Variants in STARD13 observed in about 807,000 individuals in gnomAD.
The protein encoded by STARD13 is StAR related lipid transfer domain containing 13.
A neutral mutation model predicts 106.4 loss-of-function variants in STARD13; 62 were observed. The observed-to-expected ratio is 0.58, with a 90% CI of 0.48 to 0.72. The LOEUF (loss-of-function observed/expected upper bound fraction) is 0.72, where lower values mean the gene tolerates loss of function less well. STARD13 is among the 30% of genes least tolerant of loss of function. STARD13 has a pLI of 0.00. For missense variants in STARD13, 1,387 were observed against 1,424.0 expected (o/e 0.97, Z 0.42); for synonymous variants, 565 against 553.0 (o/e 1.02, Z -0.31).
chr13:33,643,552 C>A, the STARD13 span, among the ~76,000 whole-genome samples: 1 of 152,204 alleles, frequency 6.6e-6, no homozygotes, highest in African/African-American at 2.4e-5. Flanking sequence ...GACTTGAGAT[C>A]AGTTTGTTCA....
chr13:33,308,158 T>A (rs532724936), intron 1 of STARD13, among the ~76,000 whole-genome samples: 2 of 152,346 alleles, frequency 1.3e-5, no homozygotes, highest in African/African-American at 4.8e-5. Flanking sequence ...AATTAAATCA[T>A]GGCTATCTCC....
chr13:33,455,688 C>A, the STARD13 span, among the ~76,000 whole-genome samples: 2 of 152,024 alleles, frequency 1.3e-5, no homozygotes, highest in Admixed American at 1.3e-4. Context: ...AATCCCAGTA[C>A]TGTGGGAGGC....
At chr13:33,281,133 C>G (rs1891757439) in intron 1 of STARD13, 2 of 152,020 alleles carry the variant, frequency 1.3e-5, no homozygotes, top group Non-Finnish European at 2.9e-5. Context: ...ACAGAATAAA[C>G]TTGAGCAATC....
chr13:33,110,901 G>T lies in STARD13; in HGVS notation c.2614C>A (p.His872Asn), dbSNP rs750771741. ...MECDRLFEVP[H>N]ELVAQSRNSY... is the part of the protein sequence containing the mutation. The stretch of plus-strand genomic sequence containing the variant: ...TTACGAGACTGGGCCACCAACTCGT[G>T]TGGAACCTAGACCAACGGATGCATG... The change falls in exon 11 of 14, where the codon CAC (histidine) becomes AAC (asparagine). Residue 872 changes from histidine (H) to asparagine (N), a missense_variant. By Grantham distance (68) the His-to-Asn change is moderately conservative. Coordinates refer to ENST00000336934, the MANE Select transcript of STARD13 (RefSeq NM_178006.4). 2.5e-6 allele frequency: 4 copies of T among 1,612,744 alleles called. No individual in the cohort carries two copies.
At chr13:33,360,512 A>AT in the STARD13 span, among the ~76,000 whole-genome samples, 3 of 151,512 alleles carry the variant, frequency 2.0e-5, no homozygotes, top group Admixed American at 6.6e-5. Context: ...CCGGCAGTCG[A>AT]TTTTTTTAAA....
chr13:33,319,128 A>T (rs1893454943), intron 1 of STARD13, among the ~76,000 whole-genome samples: 1 of 152,242 alleles, frequency 6.6e-6, no homozygotes, highest in South Asian at 2.1e-4. Flanking sequence ...TCGTAGCTAA[A>T]ATGTGAAGAC....
At chr13:33,435,846 G>T in the STARD13 span, among the ~76,000 whole-genome samples, 1 of 152,148 alleles carries the variant, frequency 6.6e-6, no homozygotes, top group African/African-American at 2.4e-5. Context: ...TTGATAAAGG[G>T]TACCAAAAAT....
chr13:33,409,299 C>T, the STARD13 span, among the ~76,000 whole-genome samples: 2 of 152,100 alleles, frequency 1.3e-5, no homozygotes, highest in African/African-American at 2.4e-5. Context: ...GACCCAGCTA[C>T]TATCATTGTC....
At chr13:33,116,883 T>G (rs149346140) in intron 8 of STARD13, among the ~76,000 whole-genome samples, 54 of 152,342 alleles carry the variant, frequency 3.5e-4, no homozygotes, top group African/African-American at 1.2e-3. Flanking sequence ...GTTTGCAGTA[T>G]CATGGACTCC....
At chr13:33,294,123 G>A (rs1207299140) in intron 1 of STARD13, among the ~76,000 whole-genome samples, 1 of 152,156 alleles carries the variant, frequency 6.6e-6, no homozygotes, top group Non-Finnish European at 1.5e-5. Flanking sequence ...ACAAAGAGGG[G>A]ATAAAGGGCA....
the STARD13 span, among the ~76,000 whole-genome samples, chr13:33,581,813 T>C: frequency 2.6e-5 from 4 of 152,178 alleles, no homozygotes; most frequent in Non-Finnish European, 5.9e-5. Context: ...TGGGTGAATA[T>C]ATACTCCTAA....
the STARD13 span, among the ~76,000 whole-genome samples, chr13:33,471,287 G>T: frequency 6.6e-6 from 1 of 152,164 alleles, no homozygotes; most frequent in African/African-American, 2.4e-5. Context: ...CACATAGAGA[G>T]TAGCAGAGAG....
the STARD13 span, among the ~76,000 whole-genome samples, chr13:33,554,576 A>T: frequency 6.6e-6 from 1 of 152,244 alleles, no homozygotes; most frequent in Non-Finnish European, 1.5e-5. Context: ...TGCTATTATT[A>T]TGCTAAGGCC....
At chr13:33,576,103 C>A in the STARD13 span, among the ~76,000 whole-genome samples, 3 of 152,294 alleles carry the variant, frequency 2.0e-5, no homozygotes, top group East Asian at 5.8e-4. Flanking sequence ...CTCATTAACT[C>A]TTTGTTGAAT....
the STARD13 span, among the ~76,000 whole-genome samples, chr13:33,523,369 A>G: frequency 6.6e-6 from 1 of 152,128 alleles, no homozygotes; most frequent in Non-Finnish European, 1.5e-5. Flanking sequence ...CTTTCTAGGT[A>G]ATTTTTAAAG....
the STARD13 span, among the ~76,000 whole-genome samples, chr13:33,608,724 T>G: frequency 1.1e-4 from 17 of 151,960 alleles, no homozygotes; most frequent in African/African-American, 3.9e-4. Context: ...GCTTAAAGAT[T>G]GAAATTAAAA....
At chr13:33,380,202 G>T in the STARD13 span, among the ~76,000 whole-genome samples, 2 of 152,088 alleles carry the variant, frequency 1.3e-5, no homozygotes, top group African/African-American at 4.8e-5. Context: ...CCTTACCAAC[G>T]TGGTGAATTC....
the STARD13 span, among the ~76,000 whole-genome samples, chr13:33,376,640 G>C: frequency 1.3e-5 from 2 of 151,910 alleles, no homozygotes; most frequent in African/African-American, 4.8e-5. Context: ...AAAAGGATTA[G>C]AATTTCAAAG....
At chr13:33,617,051 G>A in the STARD13 span, among the ~76,000 whole-genome samples, 10 of 152,306 alleles carry the variant, frequency 6.6e-5, no homozygotes, top group East Asian at 3.9e-4. Context: ...TGCCATTAGC[G>A]TGGTTTAAAA....
Sources: gnomAD v4.1 joint callset for allele counts (sites outside exome capture counted in the v4.1 genomes callset) on GRCh38, gnomAD v4.1.1 for gene constraint, MANE v1.5 for transcripts, NCBI Gene and HGNC (gene_info 2026-07-23, HGNC 2026-07-21) for gene names.